Variants in MEP1A observed in about 807,000 individuals in gnomAD.
The protein encoded by MEP1A is meprin A subunit alpha.
A neutral mutation model predicts 84.5 loss-of-function variants in MEP1A; 68 were observed. The observed-to-expected ratio is 0.80, with a 90% CI of 0.66 to 0.98. The LOEUF is 0.98. Among genes scored for constraint, MEP1A ranks in the 50% least tolerant of loss-of-function variants. The probability of loss-of-function intolerance (pLI) is 0.00; values close to 1 mark genes in which losing one functional copy is unlikely to be tolerated. For synonymous variants in MEP1A, 337 were observed against 336.8 expected (o/e 1.00, Z -0.01); for missense variants, 887 against 919.9 (o/e 0.96, Z 0.46).
chr6:46,819,494 T>G, intron 6 of MEP1A, 35 bp from the exon 7 acceptor site: 2 of 1,546,634 alleles, frequency 1.3e-6, no homozygotes, highest in Non-Finnish European at 1.8e-6. Flanking sequence ...TTAAAAATTC[T>G]CTAGAAGAAA....
rs994593997 is a variant in MEP1A at position 46,824,431 on chromosome 6, TTAA to T, written c.557-836_557-834del. 7.1e-4 allele frequency among the ~76,000 whole-genome samples: 104 copies of T among 146,504 alleles called. 1 individual carries two copies. Among genetic ancestry groups the T allele is most frequent in the African/African-American group, 2.5e-3 (99 of 40,390 alleles). On this transcript the variant is annotated intron_variant, in intron 7 of 13. Coordinates refer to ENST00000230588, the MANE Select transcript of MEP1A (RefSeq NM_005588.3). ...TTGTATATTAATATATTAACTAATA[TTAA>T]TAATGATTCATAGTAATTTTACATT...
chr6:46,807,553 AAAGAAAGAAAGAAAGG>A (rs1767361728), intron 5 of MEP1A, among the ~76,000 whole-genome samples: 56 of 63,260 alleles, frequency 8.9e-4, no homozygotes, highest in East Asian at 2.6e-3. Context: ...AGAAAGAAAG[AAAGAAAGAAAGAAAGG>A]AAGGAAGGAA....
At chr6:46,843,704 T>C (rs914900322), downstream of MEP1A, among the ~76,000 whole-genome samples, 2 of 152,198 alleles carry the variant, frequency 1.3e-5, no homozygotes, top group African/African-American at 4.8e-5. Context: ...ATTTCCTATA[T>C]GGAGGCATTC....
intron 10 of MEP1A, among the ~76,000 whole-genome samples, chr6:46,830,450 T>C (rs571611774): frequency 1.4e-4 from 22 of 152,268 alleles, no homozygotes; most frequent in African/African-American, 4.6e-4. Context: ...TATATTTATA[T>C]AAGAAGGTCA....
chr6:46,809,627 A>G (rs926404765), intron 6 of MEP1A, 90 bp downstream of exon 6: 3 of 796,462 alleles, frequency 3.8e-6, no homozygotes, highest in Non-Finnish European at 6.3e-6. Context: ...CCAATGTATC[A>G]TTCTTTTGTC....
At chr6:46,826,587 C>A in intron 9 of MEP1A, 84 bp downstream of exon 9, 1 of 1,212,178 alleles carries the variant, frequency 8.2e-7, no homozygotes, top group South Asian at 2.8e-5. Flanking sequence ...TTGCCTCAGT[C>A]AGAATGTTAG....
At chr6:46,845,532 T>C in the MEP1A span, among the ~76,000 whole-genome samples, 1 of 152,362 alleles carries the variant, frequency 6.6e-6, no homozygotes, top group Non-Finnish European at 1.5e-5. Context: ...ATATAATTAT[T>C]TCTACAGGGC....
chr6:46,834,516 G>A (rs1432090123), intron 11 of MEP1A, 62 bp from the exon 12 acceptor site: 22 of 963,050 alleles, frequency 2.3e-5, no homozygotes, highest in Non-Finnish European at 2.9e-5. Flanking sequence ...CCTCATTAAA[G>A]ACAAACTGGA....
intron 10 of MEP1A, among the ~76,000 whole-genome samples, chr6:46,829,941 G>C (rs1218103201): frequency 3.3e-5 from 5 of 152,064 alleles, no homozygotes; most frequent in African/African-American, 1.2e-4. Context: ...TGTGCGAATT[G>C]ATGCTGCGGG....
intron 7 of MEP1A, among the ~76,000 whole-genome samples, chr6:46,824,980 TTA>T (rs1259806439): frequency 2.3e-5 from 3 of 131,714 alleles, no homozygotes; most frequent in African/African-American, 8.7e-5. Context: ...TATATATAAA[TTA>T]TATATTTAAA....
At chr6:46,842,199 T>C (rs1365162581), downstream of MEP1A, among the ~76,000 whole-genome samples, 1 of 152,158 alleles carries the variant, frequency 6.6e-6, no homozygotes, top group African/African-American at 2.4e-5. Flanking sequence ...AACATGTGTG[T>C]TTGAACAATA....
intron 9 of MEP1A, among the ~76,000 whole-genome samples, chr6:46,827,784 A>G (rs1767980830): frequency 6.6e-6 from 1 of 152,312 alleles, no homozygotes; most frequent in South Asian, 2.1e-4. Flanking sequence ...CTCTAATCCA[A>G]CCTAGTCTGT....
At chr6:46,818,194 A>G (rs992730135) in intron 6 of MEP1A, among the ~76,000 whole-genome samples, 26 of 152,342 alleles carry the variant, frequency 1.7e-4, no homozygotes, top group South Asian at 8.3e-4. Flanking sequence ...ACTAAAAGTC[A>G]TTGAATTGTA....
downstream of MEP1A, among the ~76,000 whole-genome samples, chr6:46,844,480 G>T (rs774736225): frequency 6.6e-6 from 1 of 152,066 alleles, no homozygotes; most frequent in East Asian, 1.9e-4. Flanking sequence ...GCCTCATCTG[G>T]GTCACAGCAT....
intron 3 of MEP1A, among the ~76,000 whole-genome samples, chr6:46,797,923 CTTCCTTCT>C (rs1249303753): frequency 3.2e-3 from 84 of 26,048 alleles, no homozygotes; most frequent in Middle Eastern, 0.014. Flanking sequence ...TCCTTCCTTC[CTTCCTTCT>C]TTCCTTCCTT....
Position 46,825,298 on chromosome 6 carries a change from G to A in MEP1A, c.583G>A (p.Asp195Asn), listed in dbSNP as rs781068330. ...TTACCAGCACAACTTTGACACCTAT[G>A]ATGATAGCTTAATCACAGACCTCAA... ...SGYQHNFDTY[D>N]DSLITDLNTP... The change falls in exon 8 of 14, where the codon GAT becomes AAT. Residue 195 changes from aspartate (D) to asparagine (N), a missense_variant. Transcript: ENST00000230588. 2.0e-5 allele frequency: 32 copies of A among 1,613,092 alleles called. No individual in the cohort carries two copies. The Admixed American group carries it at 5.3e-4, about 27-fold the overall frequency.
chr6:46,813,018 T>G (rs771301697), intron 6 of MEP1A, among the ~76,000 whole-genome samples: 3 of 152,102 alleles, frequency 2.0e-5, no homozygotes, highest in Non-Finnish European at 4.4e-5. Context: ...CATTGTTTCT[T>G]TGTTGACTTT....
At chr6:46,798,521 T>C in intron 3 of MEP1A, 85 bp from the exon 4 acceptor site, 2 of 1,117,882 alleles carry the variant, frequency 1.8e-6, no homozygotes, top group Admixed American at 1.8e-5. Context: ...AGATTTATAA[T>C]GGCAAATACT....
At chr6:46,828,065 T>C (rs1264802049) in intron 9 of MEP1A, among the ~76,000 whole-genome samples, 2 of 152,012 alleles carry the variant, frequency 1.3e-5, no homozygotes, top group African/African-American at 4.8e-5. Context: ...ATTGGGAGGA[T>C]CCCTCCCATT....
Sources: allele counts gnomAD v4.1 joint callset (sites outside exome capture counted in the v4.1 genomes callset), GRCh38; gene constraint gnomAD v4.1.1; transcripts MANE v1.5; gene names NCBI Gene and HGNC (gene_info 2026-07-23, HGNC 2026-07-21).